Variants in ANO8 observed in about 807,000 individuals in gnomAD.
The protein encoded by ANO8 is anoctamin 8, also known as anoctamin-8.
In ANO8, 67 loss-of-function variants were observed where a neutral mutation model predicts 120.4. The ratio of observed to expected loss-of-function variants is 0.56; its 90% CI spans 0.46 to 0.68. ANO8 has a LOEUF of 0.68. ANO8 is among the 30% of genes least tolerant of loss of function. The probability of loss-of-function intolerance (pLI) is 0.00; values close to 1 mark genes in which losing one functional copy is unlikely to be tolerated. For synonymous variants in ANO8, 727 were observed against 759.2 expected (o/e 0.96, Z 0.70); for missense variants, 1,526 against 1,737.6 (o/e 0.88, Z 2.16).
chr19:17,334,743 C>T lies in ANO8; in HGVS notation c.-73G>A. The T allele has an allele frequency of 3.9e-6, 5 of 1,270,686 alleles. No homozygotes were observed. The highest frequency in any genetic ancestry group is 5.1e-6 in the Non-Finnish European group (5 of 981,508). The allele number at this position is 1,270,686 out of a possible 1,614,324, so 78.7% of individuals were successfully genotyped here. A position where few individuals can be genotyped will look rare whatever the true frequency, so the allele number is the denominator to read the frequency against. ...GAGCCGCGGGCTCATGGGGCCGGTG[C>T]AGCCGCGGAGCGCGCGGGAGGAGGA... On this transcript the variant is annotated 5_prime_UTR_variant, in exon 1 of 18. Transcript: ENST00000159087.
intron 17 of ANO8, 123 bp from the exon 18 acceptor site, chr19:17,324,007 CAG>C (rs2145682432): frequency 9.9e-7 from 1 of 1,005,732 alleles, no homozygotes; most frequent in East Asian, 7.7e-5. Flanking sequence ...TGCTTCTGAT[CAG>C]AGACTGAGGT....
chr19:17,327,194 C>A, intron 16 of ANO8, 41 bp downstream of exon 16: 2 of 1,465,728 alleles, frequency 1.4e-6, no homozygotes, highest in Non-Finnish European at 1.8e-6. Flanking sequence ...CCACCAGCAG[C>A]CCCACCAATG....
In ANO8 at chr19:17,328,554, G is replaced by A. The variant is rs776096946; in HGVS notation, c.1834C>T (p.Leu612Phe). 1.4e-4 allele frequency: 220 copies of A among 1,548,606 alleles called. 2 individuals carry two copies. In the East Asian group the frequency reaches 5.2e-3, roughly 37 times the overall value. ...GEEGGLLDCG[L>F]RLKKVSFAER... ...GCGAAGCTGACCTTCTTCAGCCGGA[G>A]CCCGCAGTCCAGGAGGCCCCCTTCC... is the stretch of plus-strand genomic sequence containing the variant. Residue 612 changes from leucine (L) to phenylalanine (F), a missense_variant, in exon 13 of 18, where the codon CTC becomes TTC. This residue lies in a region of ANO8 where 467 missense variants were observed against 425.8 expected (regional missense o/e 1.10). Coordinates refer to ENST00000159087, the MANE Select transcript of ANO8 (RefSeq NM_020959.3).
intron 12 of ANO8, 102 bp from the exon 13 acceptor site, chr19:17,329,085 C>G: frequency 1.1e-6 from 1 of 925,482 alleles, no homozygotes; most frequent in Non-Finnish European, 1.5e-6. Flanking sequence ...GCACCGTGCC[C>G]AGACACACGC....
At chr19:17,329,877 C>T in intron 11 of ANO8, 46 bp from the exon 12 acceptor site, 2 of 1,613,554 alleles carry the variant, frequency 1.2e-6, no homozygotes, top group Non-Finnish European at 1.7e-6. Flanking sequence ...CCCCACCCGA[C>T]TCCTTGGAGC....
intron 13 of ANO8, 53 bp downstream of exon 13, chr19:17,328,109 T>C (rs11667523): frequency 0.34 from 459,236 of 1,362,252 alleles, 75,643 homozygotes; most frequent in South Asian, 0.4. Context: ...TCGGACGGTG[T>C]GTCCCGTCCC....
rs750542245 is a variant in ANO8, at chr19:17,330,868, G to A, written c.953C>T (p.Ser318Leu). The stretch of plus-strand genomic sequence containing the variant: ...TGGCTCCTCCACGGCTTCCCCAGGT[G>A]AGTCCAGCGTCCCCCACTTATATGC... ...ELAYKWGTLD[S>L]PGEAVEEPRP... is the part of the protein sequence containing the mutation. Residue 318 changes from serine (S) to leucine (L), a missense_variant, in exon 8 of 18, where the codon TCA becomes TTA. Physicochemically the swap from Ser to Leu is moderately radical, Grantham distance 145 (BLOSUM62 -2). Around this residue, in one of 8 missense-constraint regions of ANO8, gnomAD observed 322 missense variants for 431.8 expected, o/e 0.75. Transcript: ENST00000159087. The A allele has an allele frequency of 1.2e-6, 2 of 1,614,158 alleles. No individual in the cohort carries two copies. Among genetic ancestry groups the A allele is most frequent in the African/African-American group, 1.3e-5 (1 of 75,036 alleles).
chr19:17,327,607 G>A, intron 14 of ANO8, 38 bp from the exon 15 acceptor site: 1 of 1,611,002 alleles, frequency 6.2e-7, no homozygotes, highest in Non-Finnish European at 8.5e-7. Flanking sequence ...GGGTCCAGCC[G>A]GCCTCCCCAG....
chr19:17,324,736 C>A lies in ANO8; in HGVS notation c.3312G>T (p.Arg1104=), dbSNP rs750778430. ...TGTGACCTGAGCCTTCCTCTTCGGG[C>A]CGGGGGGCTTCCAGCTCCTCAGCCA... ...EALAEELEAP[R]PEEEGSGTAL... is the part of the protein sequence containing the mutation. The change falls in exon 17 of 18, where the codon CGG becomes CGT. Residue 1104 remains arginine, a synonymous_variant. Transcript: ENST00000159087. 6.5e-7 allele frequency: 1 copy of A among 1,527,760 alleles called. No homozygotes were observed. The highest frequency in any genetic ancestry group is 8.8e-7 in the Non-Finnish European group (1 of 1,140,798). 94.6% of individuals were successfully genotyped at this position (1,527,760 alleles called of 1,614,324 possible). A position where few individuals can be genotyped will look rare whatever the true frequency, so the allele number is the denominator to read the frequency against.
chr19:17,325,162 C>T lies in ANO8; in HGVS notation c.2886G>A (p.Arg962=). Residue 962 remains arginine (R), a synonymous_variant, in exon 17 of 18, where the codon CGG becomes CGA. Transcript: ENST00000159087. ...GSTAGGHGPE[R]PKRPGSLLAP... is the part of the protein sequence containing the mutation. The stretch of plus-strand genomic sequence containing the variant: ...CCAGCAGGGACCCTGGGCGCTTGGG[C>T]CGTTCAGGCCCGTGGCCACCCGCAG... 6.2e-7 allele frequency: 1 copy of T among 1,613,294 alleles called. No homozygotes were observed. The highest frequency in any genetic ancestry group is 8.5e-7 in the Non-Finnish European group (1 of 1,179,846).
rs998841902 is a variant in ANO8 at position 17,327,883 on chromosome 19, G to A, written c.2227-3C>T. ...TCCTGGTAGTCCTGGAACGTGTCCT[G>A]CGAGTGGGCGGGCCTCAGACCTGGA... On this transcript the variant is annotated splice_polypyrimidine_tract_variant and splice_region_variant and intron_variant, in intron 13 of 17. Transcript: ENST00000159087. 7.4e-6 allele frequency: 12 copies of A among 1,612,226 alleles called. No homozygotes were observed. The highest frequency in any genetic ancestry group is 9.3e-6 in the Non-Finnish European group (11 of 1,178,708).
chr19:17,329,181 G>A (rs2074298603), intron 12 of ANO8, 198 bp from the exon 13 acceptor site: 2 of 495,160 alleles, frequency 4.0e-6, no homozygotes, highest in Non-Finnish European at 7.1e-6. Context: ...CCTGGCACGC[G>A]CAGCGCTCCT....
intron 8 of ANO8, 98 bp from the exon 9 acceptor site, chr19:17,330,602 A>G (rs905180602): frequency 7.0e-7 from 1 of 1,430,814 alleles, no homozygotes; most frequent in Non-Finnish European, 9.2e-7. Flanking sequence ...TCCCTCCATC[A>G]TGCGGAGGTG....
chr19:17,328,298 G>A lies in ANO8; in HGVS notation c.2090C>T (p.Pro697Leu), dbSNP rs552722166. 3.9e-5 allele frequency: 63 copies of A among 1,603,580 alleles called. No homozygotes were observed. The South Asian group carries it at 6.8e-4, about 17-fold the overall frequency. ...CGAATCGCTGTTGGAGCCGGGTTCC[G>A]GGTCCGGGCCCCCGTCGGGCCCCTG... The part of the protein sequence containing the change: ...RDQGPDGGPD[P>L]EPGSNSDSTR... The change falls in exon 13 of 18, where the codon CCG (proline) becomes CTG (leucine). Residue 697 changes from proline to leucine, a missense_variant. By Grantham distance (98) the Pro-to-Leu change is moderately conservative (BLOSUM62 -3). This residue lies in a region of ANO8 where 467 missense variants were observed against 425.8 expected (regional missense o/e 1.10). Coordinates refer to ENST00000159087, the MANE Select transcript of ANO8 (RefSeq NM_020959.3).
chr19:17,332,049 C>T (rs2074323107), intron 5 of ANO8, among the ~76,000 whole-genome samples: 1 of 150,298 alleles, frequency 6.7e-6, no homozygotes, highest in Non-Finnish European at 1.5e-5. Flanking sequence ...ATTCTCCTGC[C>T]TCAGCCTCCC....
Position 17,325,360 on chromosome 19 carries a change from G to C in ANO8, c.2688C>G (p.Arg896=). The change falls in exon 17 of 18, where the codon CGC becomes CGG. Residue 896 remains arginine (R), a synonymous_variant. Coordinates refer to ENST00000159087, the MANE Select transcript of ANO8 (RefSeq NM_020959.3). ...GCCGCCTGCGCTGCTGCTGCTGGTA[G>C]CGATGCTGGGCCTGGCGCTCGTGTC... ...FKRHERQAQH[R]YQQQQRRRRE... 1 of 1,594,940 alleles carries C rather than the reference G, an allele frequency of 6.3e-7. No homozygotes were observed.
rs188892057 is a variant in ANO8, at chr19:17,332,833, T to C, written c.586+97A>G. 3 of 1,395,832 alleles carry C rather than the reference T, an allele frequency of 2.1e-6. No homozygotes were observed. In the African/African-American group the frequency reaches 4.3e-5, roughly 20 times the overall value. The allele number at this position is 1,395,832 out of a possible 1,614,324, so 86.5% of individuals were successfully genotyped here. A position where few individuals can be genotyped will look rare whatever the true frequency, so the allele number is the denominator to read the frequency against. ...TAACTCTTTGCCAACCCCTGACTGG[T>C]TGGATCTGGGCCCCGCCCTCCTGCT... On this transcript the variant is annotated intron_variant, in intron 5 of 17. Coordinates refer to ENST00000159087, the MANE Select transcript of ANO8 (RefSeq NM_020959.3).
In ANO8 at chr19:17,328,606, C is replaced by CTCGTCG; in HGVS notation, c.1781_1782insCGACGA (p.Glu593_Glu594insAspAsp). On this transcript the variant is annotated inframe_insertion, in exon 13 of 18. Coordinates refer to ENST00000159087, the MANE Select transcript of ANO8 (RefSeq NM_020959.3). ...CGCCCTCCTCCTCGTCCTCCTCTTC[C>CTCGTCG]TCCTCGTCCTCCTCCTCCTCGTCGT... The CTCGTCG allele has an allele frequency of 6.5e-7, 1 of 1,542,824 alleles. No homozygotes were observed. The highest frequency in any genetic ancestry group is 8.7e-7 in the Non-Finnish European group (1 of 1,143,822).
chr19:17,333,878 C>A lies in ANO8; in HGVS notation c.107-78G>T. On this transcript the variant is annotated intron_variant, in intron 1 of 17. Coordinates refer to ENST00000159087, the MANE Select transcript of ANO8 (RefSeq NM_020959.3). This position sits in a 1 kb window ranked among gnomAD's most constrained non-coding sequence, Gnocchi z 7.2. ...GCCTCCAGTCTTGGCTCCTCCTGCC[C>A]CCGCCAGGGCTCCTCACCACTCCAC... 1 of 1,234,322 alleles carries A rather than the reference C, an allele frequency of 8.1e-7. No homozygotes were observed. Among genetic ancestry groups the A allele is most frequent in the Non-Finnish European group, 1.2e-6 (1 of 863,942 alleles). The allele number at this position is 1,234,322 out of a possible 1,614,324, so 76.5% of individuals were successfully genotyped here.
Sources: allele counts gnomAD v4.1 joint callset (sites outside exome capture counted in the v4.1 genomes callset), GRCh38; gene constraint gnomAD v4.1.1; regional missense constraint gnomAD v4.1.1; non-coding constraint Gnocchi (gnomAD v3.1); transcripts MANE v1.5; gene names NCBI Gene and HGNC (gene_info 2026-07-23, HGNC 2026-07-21).